NRG3: variants seen among roughly 807,000 people sequenced by gnomAD.
The protein encoded by NRG3 is neuregulin 3.
NRG3 carries 31 observed loss-of-function variants against 66.9 expected under a neutral mutation model. The observed-to-expected ratio is 0.46, with a 90% confidence interval of 0.35 to 0.63. NRG3 has a LOEUF of 0.63. NRG3 is among the 20% of genes least tolerant of loss of function. NRG3 has a pLI of 0.00. For missense variants in NRG3, 910 were observed against 878.9 expected (o/e 1.04, Z -0.45); for synonymous variants, 393 against 359.4 (o/e 1.09, Z -1.06).
At chr10:81,935,611 A>AC (rs980015395) in intron 1 of NRG3, among the ~76,000 whole-genome samples, 1 of 151,916 alleles carries the variant, frequency 6.6e-6, no homozygotes, top group Non-Finnish European at 1.5e-5. Flanking sequence ...GGATAACATC[A>AC]CCCCCTCCCC....
chr10:82,512,973 T>C (rs1394839918), intron 2 of NRG3, among the ~76,000 whole-genome samples: 1 of 152,214 alleles, frequency 6.6e-6, no homozygotes, highest in African/African-American at 2.4e-5. Flanking sequence ...TTTTAATTTC[T>C]GGGATACATG....
At chr10:82,226,155 C>T (rs1353436936) in intron 1 of NRG3, among the ~76,000 whole-genome samples, 1 of 152,144 alleles carries the variant, frequency 6.6e-6, no homozygotes, top group Non-Finnish European at 1.5e-5. Flanking sequence ...CACACTTCAG[C>T]ATCCAGTTTT....
At chr10:82,734,310 A>T (rs913384969) in intron 2 of NRG3, among the ~76,000 whole-genome samples, 2 of 152,186 alleles carry the variant, frequency 1.3e-5, no homozygotes, top group Admixed American at 6.5e-5. Flanking sequence ...TGGATCAGGG[A>T]AAAGCTCCAA....
chr10:82,371,298 A>G (rs891578158), intron 2 of NRG3, among the ~76,000 whole-genome samples: 2 of 152,208 alleles, frequency 1.3e-5, no homozygotes, highest in Admixed American at 6.5e-5. Flanking sequence ...GAAAGGAATA[A>G]AAAAGATGAG....
chr10:82,813,491 G>C (rs1020169208), intron 3 of NRG3, among the ~76,000 whole-genome samples: 23 of 152,152 alleles, frequency 1.5e-4, no homozygotes, highest in Non-Finnish European at 2.9e-4. Flanking sequence ...TGGGATTACA[G>C]ATGTGAGCCA....
chr10:82,845,342 A>G (rs996952976), intron 3 of NRG3, among the ~76,000 whole-genome samples: 24 of 152,242 alleles, frequency 1.6e-4, no homozygotes, highest in African/African-American at 5.3e-4. Context: ...TCTTACTGTC[A>G]TAACCACTGA....
At chr10:82,376,535 A>G (rs749529260) in intron 2 of NRG3, among the ~76,000 whole-genome samples, 2 of 152,166 alleles carry the variant, frequency 1.3e-5, no homozygotes, top group African/African-American at 2.4e-5. Context: ...AGATCATGCT[A>G]TTTATCTGGT....
At chr10:82,118,727 A>T (rs1279649678) in intron 1 of NRG3, among the ~76,000 whole-genome samples, 1 of 151,386 alleles carries the variant, frequency 6.6e-6, no homozygotes, top group Non-Finnish European at 1.5e-5. Context: ...ATAGTAAATG[A>T]TTTTTTTTTC....
chr10:82,452,321 T>C (rs1267077540), intron 2 of NRG3, among the ~76,000 whole-genome samples: 1 of 152,222 alleles, frequency 6.6e-6, no homozygotes, highest in Non-Finnish European at 1.5e-5. Flanking sequence ...GAATCAGCTG[T>C]GTCTGTGCAG....
intron 1 of NRG3, among the ~76,000 whole-genome samples, chr10:82,188,611 T>A (rs541862088): frequency 3.0e-4 from 45 of 151,958 alleles, no homozygotes; most frequent in African/African-American, 1.1e-3. Context: ...TAGGAAAAAA[T>A]ATCTAATAAT....
chr10:82,572,464 T>A (rs1200742029), intron 2 of NRG3, among the ~76,000 whole-genome samples: 1 of 151,726 alleles, frequency 6.6e-6, no homozygotes, highest in Non-Finnish European at 1.5e-5. Context: ...TTCATTGTGA[T>A]TTTTGCAGGC....
intron 3 of NRG3, among the ~76,000 whole-genome samples, chr10:82,830,446 T>C (rs149036720): frequency 1.0e-3 from 155 of 152,314 alleles, no homozygotes; most frequent in Non-Finnish European, 1.1e-3. Context: ...TTATGAGTTA[T>C]ATTTTCAGCT....
intron 3 of NRG3, among the ~76,000 whole-genome samples, chr10:82,789,319 T>G (rs1290741579): frequency 6.6e-6 from 1 of 152,164 alleles, no homozygotes; most frequent in Non-Finnish European, 1.5e-5. Context: ...TCAAATAATG[T>G]GTCCATTTTT....
At chr10:82,292,527 T>C (rs1471961984) in intron 1 of NRG3, among the ~76,000 whole-genome samples, 1 of 152,146 alleles carries the variant, frequency 6.6e-6, no homozygotes, top group Admixed American at 6.5e-5. Context: ...CATAGAAACC[T>C]CTACTTAAAT....
chr10:82,262,573 C>T (rs565912071), intron 1 of NRG3, among the ~76,000 whole-genome samples: 12 of 152,276 alleles, frequency 7.9e-5, no homozygotes, highest in Admixed American at 5.9e-4. Context: ...CTGCTCTGTT[C>T]TCAGGGTTCA....
At chr10:82,777,370 C>T (rs1565304347) in intron 3 of NRG3, among the ~76,000 whole-genome samples, 1 of 152,088 alleles carries the variant, frequency 6.6e-6, no homozygotes, top group African/African-American at 2.4e-5. Context: ...TGACATGTCC[C>T]ATAGGCAGCC....
chr10:82,456,957 G>A (rs2091293664), intron 2 of NRG3, among the ~76,000 whole-genome samples: 2 of 152,004 alleles, frequency 1.3e-5, no homozygotes, highest in Admixed American at 1.3e-4. Flanking sequence ...ACTACGGAAT[G>A]TATTATTTCC....
At chr10:82,624,286 C>T (rs1024227565) in intron 2 of NRG3, among the ~76,000 whole-genome samples, 1 of 152,122 alleles carries the variant, frequency 6.6e-6, no homozygotes, top group South Asian at 2.1e-4. Context: ...GCTTTCATAA[C>T]TTGCCAGTTT....
In NRG3 at chr10:82,360,486, AC is replaced by A. The variant is rs1361176364; in HGVS notation, c.953+1620del. On this transcript the variant is annotated intron_variant, in intron 2 of 8. Transcript: ENST00000372141. The stretch of plus-strand genomic sequence containing the variant: ...TAGTGGCTTTCTTTGATGGTGTTTT[AC>A]CAAGAGGAGGAATCAGATCAGGTCC... 2.0e-5 allele frequency among the ~76,000 whole-genome samples: 3 copies of A among 152,232 alleles called. No individual in the cohort carries two copies. The East Asian group carries it at 5.8e-4, about 29-fold the overall frequency.
Sources: gnomAD v4.1 joint callset for allele counts (sites outside exome capture counted in the v4.1 genomes callset) on GRCh38, gnomAD v4.1.1 for gene constraint, MANE v1.5 for transcripts, NCBI Gene and HGNC (gene_info 2026-07-23, HGNC 2026-07-21) for gene names.